The following KCNIP4 variants were observed in gnomAD, a reference collection of about 807,000 sequenced individuals.
The protein encoded by KCNIP4 is Kv channel-interacting protein 4.
KCNIP4 carries 12 observed loss-of-function variants against 34.0 expected under a neutral mutation model. The ratio of observed to expected loss-of-function variants is 0.35; its 90% CI spans 0.23 to 0.57. The LOEUF (loss-of-function observed/expected upper bound fraction) is 0.57. Ranked by LOEUF, KCNIP4 falls within the 20% of genes least tolerant of loss-of-function variation. The pLI is 0.83. For missense variants in KCNIP4, 238 were observed against 311.7 expected, an observed-to-expected ratio of 0.76 and a Z score of 1.78; for synonymous variants, 124 against 102.2, an observed-to-expected ratio of 1.21 and a Z score of -1.29.
intron 1 of KCNIP4, chr4:21,763,179 C>T (rs373047841): frequency 4.4e-6 from 5 of 1,145,384 alleles, no homozygotes; most frequent in South Asian, 2.8e-5. Flanking sequence ...AGAACATTGC[C>T]CAGATTATCA....
chr4:21,015,999 G>A (rs1577539213), intron 1 of KCNIP4, among the ~76,000 whole-genome samples: 1 of 144,414 alleles, frequency 6.9e-6, no homozygotes, highest in Admixed American at 7.0e-5. Context: ...AAAAATAAAA[G>A]AGTATATAAA....
chr4:21,541,266 T>C (rs1737670947), intron 1 of KCNIP4, among the ~76,000 whole-genome samples: 1 of 150,998 alleles, frequency 6.6e-6, no homozygotes. Flanking sequence ...GCTATCAATA[T>C]CAACCTGAGT....
intron 1 of KCNIP4, among the ~76,000 whole-genome samples, chr4:21,363,403 T>C (rs1719422796): frequency 6.6e-6 from 1 of 152,180 alleles, no homozygotes; most frequent in Admixed American, 6.6e-5. Flanking sequence ...CACAGGGGTT[T>C]ATCCTTGTAG....
At chr4:21,060,616 C>T (rs1040377185) in intron 1 of KCNIP4, among the ~76,000 whole-genome samples, 19 of 152,140 alleles carry the variant, frequency 1.2e-4, no homozygotes, top group Non-Finnish European at 1.9e-4. Flanking sequence ...ATAAAGGAGT[C>T]ATGTGACTGA....
chr4:20,742,614 A>G (rs530054656), intron 5 of KCNIP4, among the ~76,000 whole-genome samples: 33 of 152,288 alleles, frequency 2.2e-4, no homozygotes, highest in African/African-American at 7.7e-4. Flanking sequence ...TATCATACTG[A>G]ATGGGCAAAA....
intron 1 of KCNIP4, among the ~76,000 whole-genome samples, chr4:21,412,484 G>A (rs1440544178): frequency 6.6e-6 from 1 of 152,174 alleles, no homozygotes; most frequent in Non-Finnish European, 1.5e-5. Flanking sequence ...CCATTTATTA[G>A]TACTTTGGTT....
At chr4:20,930,932 C>T (rs1267417068) in intron 1 of KCNIP4, among the ~76,000 whole-genome samples, 2 of 151,488 alleles carry the variant, frequency 1.3e-5, no homozygotes, top group Non-Finnish European at 2.9e-5. Flanking sequence ...TTTGTGTAGT[C>T]ATTATGGAAA....
intron 1 of KCNIP4, among the ~76,000 whole-genome samples, chr4:21,070,381 T>G (rs752791953): frequency 1.4e-5 from 2 of 146,062 alleles, no homozygotes; most frequent in Non-Finnish European, 3.1e-5. Context: ...GGTAACTGTA[T>G]GTTTAGATTT....
At chr4:21,912,877 A>G (rs1728417043) in intron 1 of KCNIP4, among the ~76,000 whole-genome samples, 1 of 150,850 alleles carries the variant, frequency 6.6e-6, no homozygotes, top group Non-Finnish European at 1.5e-5. Context: ...CATTGCAATA[A>G]GAAGCCATTG....
chr4:21,298,641 T>G (rs1763980603), intron 1 of KCNIP4, among the ~76,000 whole-genome samples: 1 of 152,110 alleles, frequency 6.6e-6, no homozygotes, highest in African/African-American at 2.4e-5. Flanking sequence ...TTTTCAAATT[T>G]TACCCCAGAT....
intron 1 of KCNIP4, among the ~76,000 whole-genome samples, chr4:21,518,906 T>G (rs1468536073): frequency 2.0e-5 from 3 of 151,872 alleles, no homozygotes; most frequent in African/African-American, 7.3e-5. Flanking sequence ...CAGCTAAGAG[T>G]TGACTGCCTC....
At chr4:21,264,177 A>C (rs1051709093) in intron 1 of KCNIP4, among the ~76,000 whole-genome samples, 5 of 152,248 alleles carry the variant, frequency 3.3e-5, no homozygotes, top group Admixed American at 1.3e-4. Context: ...ATGGAGGCTA[A>C]AGAGTTGTTC....
intron 3 of KCNIP4, among the ~76,000 whole-genome samples, chr4:20,841,697 C>G (rs1017885991): frequency 8.6e-5 from 13 of 151,938 alleles, no homozygotes; most frequent in Non-Finnish European, 1.5e-4. Context: ...CCCAATTTTA[C>G]TCTGATGTCT....
chr4:20,946,611 G>T (rs1020866957), intron 1 of KCNIP4, among the ~76,000 whole-genome samples: 2 of 152,180 alleles, frequency 1.3e-5, no homozygotes, highest in Non-Finnish European at 2.9e-5. Flanking sequence ...TAGACTGAAA[G>T]CAGGAAAATG....
intron 1 of KCNIP4, among the ~76,000 whole-genome samples, chr4:20,922,501 C>T (rs1577371646): frequency 6.6e-6 from 1 of 151,022 alleles, no homozygotes; most frequent in East Asian, 2.0e-4. Context: ...GACTTCTAGA[C>T]CTCATAATAG....
intron 3 of KCNIP4, among the ~76,000 whole-genome samples, chr4:20,825,359 T>C (rs1717631205): frequency 6.6e-6 from 1 of 151,766 alleles, no homozygotes; most frequent in Admixed American, 6.6e-5. Flanking sequence ...GCATGAGTTA[T>C]GGCATGTAGG....
intron 1 of KCNIP4, among the ~76,000 whole-genome samples, chr4:21,192,040 T>G (rs988269871): frequency 6.6e-6 from 1 of 152,210 alleles, no homozygotes; most frequent in Non-Finnish European, 1.5e-5. Context: ...TGAATTGATT[T>G]TGAATCCTTT....
At chr4:20,921,045 T>C (rs1729349347) in intron 1 of KCNIP4, among the ~76,000 whole-genome samples, 3 of 151,882 alleles carry the variant, frequency 2.0e-5, no homozygotes, top group African/African-American at 7.3e-5. Flanking sequence ...GAGGAGGAAT[T>C]TGAGTCAAAA....
chr4:21,064,533 T>TA (rs1227558974), intron 1 of KCNIP4, among the ~76,000 whole-genome samples: 1 of 152,194 alleles, frequency 6.6e-6, no homozygotes, highest in Non-Finnish European at 1.5e-5. Flanking sequence ...GTAAGTGGTT[T>TA]ACCATTTATG....
Sources: allele counts gnomAD v4.1 joint callset (sites outside exome capture counted in the v4.1 genomes callset), GRCh38; gene constraint gnomAD v4.1.1; transcripts MANE v1.5; gene names NCBI Gene and HGNC (gene_info 2026-07-23, HGNC 2026-07-21).